Variants in CTNNA3 observed in about 807,000 individuals in gnomAD.
CTNNA3 encodes catenin alpha 3, also known as catenin alpha-3.
In CTNNA3, 76 loss-of-function variants were observed where a neutral mutation model predicts 95.7. The ratio of observed to expected loss-of-function variants is 0.79; its 90% CI spans 0.66 to 0.96. The LOEUF (loss-of-function observed/expected upper bound fraction) is 0.96, where lower values mean the gene tolerates loss of function less well. Ranked by LOEUF, CTNNA3 falls within the 40% of genes least tolerant of loss-of-function variation. CTNNA3 has a pLI of 0.00. For missense variants in CTNNA3, 1,191 were observed against 1,089.8 expected (o/e 1.09, Z -1.31); for synonymous variants, 431 against 374.4 (o/e 1.15, Z -1.74).
intron 5 of CTNNA3, among the ~76,000 whole-genome samples, chr10:67,390,627 C>T (rs1392225690): frequency 6.6e-6 from 1 of 150,418 alleles, no homozygotes; most frequent in African/African-American, 2.5e-5. Flanking sequence ...GACCAATATC[C>T]TTGATGAACA....
At chr10:66,186,322 G>A (rs1472398527) in intron 13 of CTNNA3, among the ~76,000 whole-genome samples, 1 of 151,802 alleles carries the variant, frequency 6.6e-6, no homozygotes, top group Admixed American at 6.6e-5. Context: ...GAGAGAGAGA[G>A]ATGAGTGTGT....
chr10:66,327,107 CTT>C (rs2092263541), intron 12 of CTNNA3, among the ~76,000 whole-genome samples: 2 of 152,070 alleles, frequency 1.3e-5, no homozygotes, highest in African/African-American at 4.8e-5. Context: ...TCAGCCACCT[CTT>C]GACTCCTGGA....
chr10:67,210,739 G>A (rs559961251), intron 6 of CTNNA3, among the ~76,000 whole-genome samples: 46 of 151,296 alleles, frequency 3.0e-4, no homozygotes, highest in African/African-American at 1.0e-3. Flanking sequence ...TATGGGGGGG[G>A]GCTCAATAAA....
At chr10:66,244,917 AAG>A (rs1486228494) in intron 13 of CTNNA3, among the ~76,000 whole-genome samples, 1 of 152,228 alleles carries the variant, frequency 6.6e-6, no homozygotes, top group Non-Finnish European at 1.5e-5. Context: ...ATCCTGGAGA[AAG>A]AGAGATATGT....
chr10:67,428,959 C>A (rs1204512339), intron 5 of CTNNA3, among the ~76,000 whole-genome samples: 6 of 151,906 alleles, frequency 3.9e-5, no homozygotes, highest in Non-Finnish European at 7.4e-5. Context: ...AATAAATGCC[C>A]ATTTATATAT....
chr10:66,686,506 T>A (rs897622412), intron 9 of CTNNA3, among the ~76,000 whole-genome samples: 2 of 152,208 alleles, frequency 1.3e-5, no homozygotes, highest in Admixed American at 1.3e-4. Flanking sequence ...CAGCAATAAA[T>A]AAATAAGAAG....
chr10:67,009,856 G>C (rs984556912), intron 7 of CTNNA3, among the ~76,000 whole-genome samples: 16 of 152,210 alleles, frequency 1.1e-4, no homozygotes, highest in Admixed American at 1.0e-3. Flanking sequence ...TTGCATCAGA[G>C]ACTTTCTATG....
chr10:67,553,478 G>T (rs562425402), intron 3 of CTNNA3, among the ~76,000 whole-genome samples: 23 of 152,182 alleles, frequency 1.5e-4, no homozygotes, highest in South Asian at 1.0e-3. Context: ...CTAATTAACT[G>T]AGAGAGTCTT....
intron 10 of CTNNA3, among the ~76,000 whole-genome samples, chr10:66,606,417 C>T (rs1483461359): frequency 6.6e-6 from 1 of 152,102 alleles, no homozygotes; most frequent in African/African-American, 2.4e-5. Context: ...ATCAAACGGA[C>T]CTGAGAGACA....
At position 67,560,237 on chromosome 10, in the gene CTNNA3, GAA is replaced by G. The variant is rs1205684904; in HGVS notation, c.293-20570_293-20569del. Among the ~76,000 whole-genome samples the G allele has an allele frequency of 2.6e-5, 4 of 151,978 alleles. No homozygotes were observed. The East Asian group carries it at 7.7e-4, about 29-fold the overall frequency. On this transcript the variant is annotated intron_variant, in intron 3 of 17. Transcript: ENST00000433211. ...AAAAAACGGTAAGGGCAGCCAGAGA[GAA>G]AGGTCGGGTTACCCACAAAGGGAAG...
chr10:66,223,918 T>C (rs1589778047), intron 13 of CTNNA3, among the ~76,000 whole-genome samples: 1 of 152,030 alleles, frequency 6.6e-6, no homozygotes, highest in Non-Finnish European at 1.5e-5. Flanking sequence ...AACAAAAGGC[T>C]GGGTGCAGTG....
chr10:66,878,952 T>C (rs1844738222), intron 7 of CTNNA3, among the ~76,000 whole-genome samples: 1 of 152,190 alleles, frequency 6.6e-6, no homozygotes, highest in South Asian at 2.1e-4. Flanking sequence ...ATGTGAGTGG[T>C]AAATTAACTA....
At position 66,293,353 on chromosome 10, in the gene CTNNA3, A is replaced by C. The variant is rs144380417; in HGVS notation, c.1733-12732T>G. On this transcript the variant is annotated intron_variant, in intron 12 of 17. Coordinates refer to ENST00000433211, the MANE Select transcript of CTNNA3 (RefSeq NM_013266.4). ...GGCAGAATAACAAAACTGCCAAAAG[A>C]GAATCATATAAAGCTTCAGAGACAT... Among the ~76,000 whole-genome samples the C allele has an allele frequency of 8.3e-4, 126 of 152,306 alleles. 2 individuals are homozygous for C. In the East Asian group the frequency reaches 0.023, roughly 28 times the overall value.
At chr10:65,943,296 C>G (rs1437830622) in intron 17 of CTNNA3, among the ~76,000 whole-genome samples, 1 of 152,110 alleles carries the variant, frequency 6.6e-6, no homozygotes, top group Non-Finnish European at 1.5e-5. Context: ...GATCTCCTGA[C>G]CTCGTGATCC....
rs913733339 is a variant in CTNNA3 at position 67,540,434 on chromosome 10, T to C, written c.293-765A>G. 5.3e-5 allele frequency among the ~76,000 whole-genome samples: 8 copies of C among 151,954 alleles called. No individual in the cohort carries two copies. The East Asian group carries it at 5.8e-4, about 11-fold the overall frequency. Reference sequence around the variant, plus strand: ...GTACTATAATACGTGTCCATTACTTTTAAATAATTTACCACACTAAAGAAC... The same window carrying C: ...GTACTATAATACGTGTCCATTACTTCTAAATAATTTACCACACTAAAGAAC... On this transcript the variant is annotated intron_variant, in intron 3 of 17. Transcript: ENST00000433211.
chr10:67,096,386 A>G (rs1857996466), intron 7 of CTNNA3, among the ~76,000 whole-genome samples: 1 of 151,804 alleles, frequency 6.6e-6, no homozygotes, highest in Admixed American at 6.6e-5. Flanking sequence ...AAAAAATAAT[A>G]CCTAGGCCTT....
At chr10:66,495,016 G>C (rs1216071939) in intron 11 of CTNNA3, among the ~76,000 whole-genome samples, 1 of 152,166 alleles carries the variant, frequency 6.6e-6, no homozygotes, top group South Asian at 2.1e-4. Flanking sequence ...AAAATGCAGA[G>C]GGGAATGGGT....
chr10:67,239,497 GAGACTAA>G (rs1297237377), intron 5 of CTNNA3, among the ~76,000 whole-genome samples: 1 of 152,112 alleles, frequency 6.6e-6, no homozygotes, highest in Non-Finnish European at 1.5e-5. Flanking sequence ...GGGGTGATTA[GAGACTAA>G]ACAGGGAGGA....
intron 5 of CTNNA3, among the ~76,000 whole-genome samples, chr10:67,291,871 C>G (rs1457145108): frequency 2.0e-5 from 3 of 152,174 alleles, no homozygotes; most frequent in Non-Finnish European, 4.4e-5. Flanking sequence ...AAATTAATTA[C>G]AGAAACGGCA....
Sources: gnomAD v4.1 joint callset for allele counts (sites outside exome capture counted in the v4.1 genomes callset) on GRCh38, gnomAD v4.1.1 for gene constraint, MANE v1.5 for transcripts, NCBI Gene and HGNC (gene_info 2026-07-23, HGNC 2026-07-21) for gene names.